The following TTC34 variants were observed in gnomAD, a reference collection of about 807,000 sequenced individuals.
The protein encoded by TTC34 is tetratricopeptide repeat domain 34, also known as tetratricopeptide repeat protein 34.
A neutral mutation model predicts 40.7 loss-of-function variants in TTC34; 44 were observed. The observed-to-expected ratio is 1.08, with a 90% CI of 0.85 to 1.39. The LOEUF is 1.39. TTC34 is among the 40% of genes most tolerant of loss of function. TTC34 has a pLI of 0.00. For missense variants in TTC34, 884 were observed against 838.0 expected (o/e 1.05, Z -0.68); for synonymous variants, 422 against 398.6 (o/e 1.06, Z -0.70).
intron 6 of TTC34, among the ~76,000 whole-genome samples, chr1:2,778,490 C>T (rs900003126): frequency 2.6e-4 from 39 of 152,232 alleles, no homozygotes; most frequent in Admixed American, 1.6e-3. Context: ...AGGCTAGTAC[C>T]CAAGAGGGTG....
chr1:2,685,399 C>A (rs1375119164), intron 6 of TTC34, among the ~76,000 whole-genome samples: 1 of 142,594 alleles, frequency 7.0e-6, no homozygotes, highest in African/African-American at 2.9e-5. Context: ...TCACCCACAA[C>A]CACAGGTGAG....
intron 6 of TTC34, among the ~76,000 whole-genome samples, chr1:2,783,388 A>C (rs1431904494): frequency 6.6e-6 from 1 of 152,208 alleles, no homozygotes; most frequent in African/African-American, 2.4e-5. Context: ...ACACAGACTG[A>C]GGCTGGGAGG....
intron 6 of TTC34, among the ~76,000 whole-genome samples, chr1:2,648,104 C>G (rs1639056136): frequency 6.6e-6 from 1 of 151,944 alleles, no homozygotes; most frequent in Non-Finnish European, 1.5e-5. Context: ...TTTTAAAAGC[C>G]CCTGTGTGTA....
exon 9 of TTC34, chr1:2,641,361 G>A (rs770013311): frequency 6.7e-7 from 1 of 1,496,858 alleles, no homozygotes; most frequent in Non-Finnish European, 8.9e-7. Context: ...GAGAGGGTCA[G>A]GCCCAGTCAC....
intron 2 of TTC34, among the ~76,000 whole-genome samples, 159 bp from the exon 3 acceptor site, chr1:2,790,505 C>A (rs1184512866): frequency 1.3e-5 from 2 of 152,296 alleles, no homozygotes; most frequent in East Asian, 3.9e-4. Flanking sequence ...CTGGGTATGG[C>A]ACCGCCAGGA....
At chr1:2,780,028 C>G (rs185784480) in intron 6 of TTC34, among the ~76,000 whole-genome samples, 161 of 152,272 alleles carry the variant, frequency 1.1e-3, no homozygotes, top group Non-Finnish European at 2.0e-3. Context: ...GCAGGAGAAT[C>G]GCTTGAACCC....
At chr1:2,683,756 C>G (rs1401683726) in intron 6 of TTC34, among the ~76,000 whole-genome samples, 5 of 150,896 alleles carry the variant, frequency 3.3e-5, no homozygotes, top group African/African-American at 4.9e-5. Flanking sequence ...ACCCACACCC[C>G]CAGGTGAGCA....
At chr1:2,684,682 G>T (rs1415955898) in intron 6 of TTC34, among the ~76,000 whole-genome samples, 1 of 135,568 alleles carries the variant, frequency 7.4e-6, no homozygotes, top group Non-Finnish European at 1.5e-5. Flanking sequence ...CACACGCCCA[G>T]GTGAGCATCT....
intron 6 of TTC34, among the ~76,000 whole-genome samples, chr1:2,687,495 A>G (rs1640418433): frequency 6.8e-6 from 1 of 147,516 alleles, no homozygotes; most frequent in Non-Finnish European, 1.5e-5. Context: ...CACTCAGGCG[A>G]GCATCTGACA....
At chr1:2,687,880 C>A (rs1330169848) in intron 6 of TTC34, among the ~76,000 whole-genome samples, 8 of 151,216 alleles carry the variant, frequency 5.3e-5, no homozygotes, top group East Asian at 1.9e-4. Flanking sequence ...TGGAACAGAA[C>A]CCACATCCCC....
chr1:2,800,208 T>C, exon 2 of TTC34: 2 of 398,498 alleles, frequency 5.0e-6, no homozygotes, highest in Non-Finnish European at 8.9e-6. Flanking sequence ...GGTCTCCTGC[T>C]GGCCGGCACT....
intron 6 of TTC34, among the ~76,000 whole-genome samples, chr1:2,684,540 T>A (rs1437549185): frequency 6.9e-6 from 1 of 143,940 alleles, no homozygotes; most frequent in Non-Finnish European, 1.5e-5. Context: ...TCCGACATCC[T>A]GAAACAGCTC....
intron 6 of TTC34, among the ~76,000 whole-genome samples, chr1:2,691,290 C>G (rs569787849): frequency 1.1e-5 from 1 of 87,204 alleles, no homozygotes; most frequent in Non-Finnish European, 2.6e-5. Flanking sequence ...CAGCCTGGAG[C>G]AGCACCCACA....
At chr1:2,789,750 G>T in exon 3 of TTC34, 1 of 704,886 alleles carries the variant, frequency 1.4e-6, no homozygotes, top group Non-Finnish European at 2.1e-6. Flanking sequence ...ACCCGCAGCA[G>T]TCCCCGGCCG....
At chr1:2,761,074 G>A (rs1389527772) in intron 6 of TTC34, among the ~76,000 whole-genome samples, 2 of 70,910 alleles carry the variant, frequency 2.8e-5, no homozygotes, top group African/African-American at 1.2e-4. Flanking sequence ...GCGTGGAGCA[G>A]CATCCTCACC....
chr1:2,775,470 A>T (rs1643051429), intron 6 of TTC34: 3 of 146,534 alleles, frequency 2.0e-5, no homozygotes, highest in Admixed American at 2.0e-4. Flanking sequence ...CAGTACCCAC[A>T]CCCCCAGGTG....
At chr1:2,790,388 G>T in intron 2 of TTC34, 42 bp from the exon 3 acceptor site, 2 of 398,382 alleles carry the variant, frequency 5.0e-6, no homozygotes, top group South Asian at 2.6e-4. Flanking sequence ...CTGGGGGGCC[G>T]ACTCCCCGGG....
At chr1:2,677,642 C>A (rs1570792844) in intron 6 of TTC34, among the ~76,000 whole-genome samples, 7 of 135,658 alleles carry the variant, frequency 5.2e-5, no homozygotes, top group South Asian at 5.0e-4. Flanking sequence ...CCTGGAACAG[C>A]ACACACACCC....
intron 6 of TTC34, among the ~76,000 whole-genome samples, chr1:2,652,231 G>C (rs1172917196): frequency 6.6e-6 from 1 of 151,186 alleles, no homozygotes; most frequent in Admixed American, 6.6e-5. Flanking sequence ...TGACGGCCTG[G>C]AACAGCACCC....
Sources: gnomAD v4.1 joint callset for allele counts (sites outside exome capture counted in the v4.1 genomes callset) on GRCh38, gnomAD v4.1.1 for gene constraint, MANE v1.5 for transcripts, NCBI Gene and HGNC (gene_info 2026-07-23, HGNC 2026-07-21) for gene names.